Variants in TAOK3 observed in about 807,000 individuals in gnomAD.
TAOK3 encodes the protein TAO kinase 3, also known as serine/threonine-protein kinase TAO3.
In TAOK3, 40 loss-of-function variants were observed where a neutral mutation model predicts 120.4. The observed-to-expected ratio is 0.33, with a 90% confidence interval of 0.26 to 0.43. The LOEUF (loss-of-function observed/expected upper bound fraction) is 0.43. Among genes scored for constraint, TAOK3 ranks in the 20% least tolerant of loss-of-function variants. The probability of loss-of-function intolerance (pLI) is 1.00; values close to 1 mark genes in which losing one functional copy is unlikely to be tolerated. For synonymous variants in TAOK3, 355 were observed against 387.5 expected (o/e 0.92, Z 0.99); for missense variants, 821 against 1,112.1 (o/e 0.74, Z 3.72).
At position 118,255,635 on chromosome 12, in the gene TAOK3, T is replaced by A. The variant is rs183119042; in HGVS notation, c.-68A>T. On this transcript the variant is annotated 5_prime_UTR_variant, in exon 3 of 21. Transcript: ENST00000392533. ...TTTATTTCTCATTGACAATTTTTTT[T>A]GGGGGGTAAATCTTCAGTACCTGTA... 6.7e-7 allele frequency: 1 copy of A among 1,503,142 alleles called. No individual in the cohort carries two copies. The highest frequency in any genetic ancestry group is 1.3e-5 in the South Asian group (1 of 75,342). The allele number at this position is 1,503,142 out of a possible 1,614,324, so 93.1% of individuals were successfully genotyped here. A position where few individuals can be genotyped will look rare whatever the true frequency, so the allele number is the denominator to read the frequency against.
In TAOK3 at chr12:118,169,866, G is replaced by T. The variant is rs1225301134; in HGVS notation, c.1899+2591C>A. On this transcript the variant is annotated intron_variant, in intron 17 of 20. Coordinates refer to ENST00000392533, the MANE Select transcript of TAOK3 (RefSeq NM_016281.4). ...CTCCCGAGTAGCTGGGACTACAGAT[G>T]CCTGCCACTGCGCCCAGCCAATTTT... Among the ~76,000 whole-genome samples the T allele has an allele frequency of 2.6e-5, 4 of 151,836 alleles. No homozygotes were observed. The East Asian group carries it at 7.8e-4, about 29-fold the overall frequency.
intron 11 of TAOK3, among the ~76,000 whole-genome samples, chr12:118,206,824 T>C (rs2038342987): frequency 6.6e-6 from 1 of 151,942 alleles, no homozygotes; most frequent in Non-Finnish European, 1.5e-5. Context: ...CTCAATCTCC[T>C]GACCTCGTGA....
chr12:118,298,797 C>T (rs947305309), intron 1 of TAOK3, among the ~76,000 whole-genome samples: 1 of 152,048 alleles, frequency 6.6e-6, no homozygotes, highest in African/African-American at 2.4e-5. Flanking sequence ...TTTACATTTC[C>T]AGAAGTTGGT....
At position 118,172,316 on chromosome 12, in the gene TAOK3, A is replaced by T; in HGVS notation, c.1899+141T>A. 3.6e-6 allele frequency: 3 copies of T among 822,906 alleles called. No individual in the cohort carries two copies. In the Admixed American group the frequency reaches 8.1e-5, roughly 22 times the overall value. 51.0% of individuals were successfully genotyped at this position (822,906 alleles called of 1,614,324 possible). On this transcript the variant is annotated intron_variant, in intron 17 of 20. Transcript: ENST00000392533. ...AAGTTCATTCCCTGACTTTTTTTGT[A>T]TACCTACTCTGTGTTAGCCACTGTG...
intron 1 of TAOK3, among the ~76,000 whole-genome samples, chr12:118,299,751 C>A (rs1188739622): frequency 6.6e-6 from 1 of 152,148 alleles, no homozygotes; most frequent in Non-Finnish European, 1.5e-5. Flanking sequence ...CTCAGGTGAT[C>A]CACCTGCCTT....
At chr12:118,162,401 C>T (rs2035278421) in intron 17 of TAOK3, among the ~76,000 whole-genome samples, 1 of 152,054 alleles carries the variant, frequency 6.6e-6, no homozygotes, top group Admixed American at 6.6e-5. Flanking sequence ...ACCCTGACGG[C>T]CCATAAAAAT....
intron 19 of TAOK3, among the ~76,000 whole-genome samples, chr12:118,157,738 T>C (rs996812934): frequency 1.3e-5 from 2 of 152,236 alleles, no homozygotes; most frequent in Non-Finnish European, 2.9e-5. Context: ...TATCCACCAC[T>C]GTATCTCCAG....
At chr12:118,256,476 T>G (rs977964103) in intron 2 of TAOK3, among the ~76,000 whole-genome samples, 1 of 152,178 alleles carries the variant, frequency 6.6e-6, no homozygotes, top group Non-Finnish European at 1.5e-5. Flanking sequence ...ATAGCACCAT[T>G]ATTCATAATA....
chr12:118,151,715 T>G (rs527399223), intron 20 of TAOK3, among the ~76,000 whole-genome samples: 5 of 152,374 alleles, frequency 3.3e-5, no homozygotes, highest in African/African-American at 1.2e-4. Flanking sequence ...TGAAATGTTT[T>G]CTACTTCATA....
chr12:118,265,181 G>T (rs2041389600), intron 2 of TAOK3, among the ~76,000 whole-genome samples: 1 of 151,398 alleles, frequency 6.6e-6, no homozygotes, highest in South Asian at 2.1e-4. Context: ...ACGAGGTCAG[G>T]AGTTCAAGAC....
intron 9 of TAOK3, among the ~76,000 whole-genome samples, chr12:118,227,879 G>A (rs960360872): frequency 4.6e-5 from 7 of 152,132 alleles, no homozygotes. Flanking sequence ...TATGCACAGA[G>A]TAGTTTTGTT....
chr12:118,157,851 CAT>C, intron 19 of TAOK3, among the ~76,000 whole-genome samples: 1 of 147,250 alleles, frequency 6.8e-6, no homozygotes, highest in African/African-American at 2.7e-5. Flanking sequence ...CATGCTTAAG[CAT>C]CTCCCAACTA....
At chr12:118,171,380 T>G (rs192898994) in intron 17 of TAOK3, among the ~76,000 whole-genome samples, 74 of 152,176 alleles carry the variant, frequency 4.9e-4, no homozygotes, top group Admixed American at 1.0e-3. Context: ...TTGTTTGAGA[T>G]AAGTCTCACT....
At chr12:118,306,397 C>T (rs1041878075) in intron 1 of TAOK3, among the ~76,000 whole-genome samples, 10 of 151,962 alleles carry the variant, frequency 6.6e-5, no homozygotes, top group African/African-American at 9.7e-5. Flanking sequence ...AGGCTAGTGT[C>T]GAACTCCTGG....
intron 9 of TAOK3, among the ~76,000 whole-genome samples, chr12:118,225,113 T>C (rs2039435379): frequency 6.6e-6 from 1 of 151,614 alleles, no homozygotes; most frequent in Non-Finnish European, 1.5e-5. Context: ...CCGGGAGTGG[T>C]GGTGGGTGCC....
chr12:118,287,418 A>C (rs2042305388), intron 1 of TAOK3, among the ~76,000 whole-genome samples: 1 of 152,042 alleles, frequency 6.6e-6, no homozygotes, highest in Non-Finnish European at 1.5e-5. Context: ...ATGCCTGGCT[A>C]ATTTTTGTAT....
At chr12:118,335,611 A>G (rs1170635049) in intron 1 of TAOK3, among the ~76,000 whole-genome samples, 2 of 152,078 alleles carry the variant, frequency 1.3e-5, no homozygotes, top group East Asian at 3.9e-4. Flanking sequence ...GGGTGGATCA[A>G]CTTGAGGTCA....
intron 1 of TAOK3, among the ~76,000 whole-genome samples, chr12:118,319,112 A>G (rs1305237422): frequency 6.6e-6 from 1 of 152,244 alleles, no homozygotes; most frequent in Non-Finnish European, 1.5e-5. Flanking sequence ...GATACAAATT[A>G]TCAGCTGAAA....
At chr12:118,345,453 A>G (rs960855203) in intron 1 of TAOK3, among the ~76,000 whole-genome samples, 1 of 152,196 alleles carries the variant, frequency 6.6e-6, no homozygotes, top group African/African-American at 2.4e-5. Flanking sequence ...AGAGGAAGGA[A>G]GGCTGGTGAT....
Sources: allele counts gnomAD v4.1 joint callset (sites outside exome capture counted in the v4.1 genomes callset), GRCh38; gene constraint gnomAD v4.1.1; transcripts MANE v1.5; gene names NCBI Gene and HGNC (gene_info 2026-07-23, HGNC 2026-07-21).